The following RASGRP1 variants were observed in gnomAD, a reference collection of about 807,000 sequenced individuals.
RASGRP1 encodes the protein RAS guanyl-releasing protein 1.
A neutral mutation model predicts 95.1 loss-of-function variants in RASGRP1; 37 were observed. That is an observed-to-expected ratio of 0.39 (90% CI 0.30 to 0.51). The LOEUF (loss-of-function observed/expected upper bound fraction) is 0.51, where lower values mean the gene tolerates loss of function less well. RASGRP1 is among the 20% of genes least tolerant of loss of function. The probability of loss-of-function intolerance (pLI) is 0.80; values close to 1 mark genes in which losing one functional copy is unlikely to be tolerated. For missense variants in RASGRP1, 711 were observed against 965.4 expected (o/e 0.74, Z 3.49); for synonymous variants, 325 against 353.4 (o/e 0.92, Z 0.90).
intron 2 of RASGRP1, among the ~76,000 whole-genome samples, chr15:38,547,314 C>A (rs1893141221): frequency 1.3e-5 from 2 of 152,188 alleles, no homozygotes; most frequent in Non-Finnish European, 2.9e-5. Flanking sequence ...TTTCTGGAAG[C>A]CCTTCACACC....
chr15:38,507,061 A>G (rs1469674209), intron 9 of RASGRP1, among the ~76,000 whole-genome samples: 1 of 152,238 alleles, frequency 6.6e-6, no homozygotes, highest in African/African-American at 2.4e-5. Context: ...AAAACTGTGT[A>G]ACTTTAGAAC....
chr15:38,520,874 AC>A (rs1202852525), intron 3 of RASGRP1, among the ~76,000 whole-genome samples: 3 of 152,150 alleles, frequency 2.0e-5, no homozygotes, highest in African/African-American at 7.2e-5. Flanking sequence ...TAAACTTGAA[AC>A]CCTAAACAAG....
At chr15:38,510,961 T>G (rs1891487530) in intron 8 of RASGRP1, among the ~76,000 whole-genome samples, 1 of 152,118 alleles carries the variant, frequency 6.6e-6, no homozygotes, top group Non-Finnish European at 1.5e-5. Flanking sequence ...AGACCCTGTT[T>G]CTATAAAAAA....
chr15:38,554,499 T>C (rs979618670), intron 2 of RASGRP1, among the ~76,000 whole-genome samples: 7 of 152,178 alleles, frequency 4.6e-5, no homozygotes, highest in Admixed American at 3.3e-4. Context: ...GCCTCTGTTC[T>C]CTACAGCGGG....
chr15:38,489,495 T>C lies in RASGRP1; in HGVS notation c.*1059A>G, dbSNP rs1890484660. On this transcript the variant is annotated 3_prime_UTR_variant, in exon 17 of 17. Transcript: ENST00000310803. The stretch of plus-strand genomic sequence containing the variant: ...TTGTTTAATTCACTTCCACATTTTA[T>C]GGAGGAAACAAAATTCCAAGCCACA... The C allele has an allele frequency of 6.6e-6, 1 of 152,510 alleles. No individual in the cohort carries two copies. The highest frequency in any genetic ancestry group is 2.4e-5 in the African/African-American group (1 of 41,446). 9.4% of individuals were successfully genotyped at this position (152,510 alleles called of 1,614,324 possible).
chr15:38,506,056 A>G (rs542488816), intron 9 of RASGRP1, 136 bp from the exon 10 acceptor site: 3 of 650,150 alleles, frequency 4.6e-6, no homozygotes, highest in Non-Finnish European at 5.4e-6. Flanking sequence ...AAAAGTCACA[A>G]AACAGGTATA....
rs1207984047 is a variant in RASGRP1 at position 38,559,775 on chromosome 15, AAG to A, written c.220+44_220+45del. 3.2e-6 allele frequency: 5 copies of A among 1,558,082 alleles called. No homozygotes were observed. The South Asian group carries it at 5.7e-5, about 18-fold the overall frequency. Reference sequence around the variant, plus strand: ...GTAAAGCACTTTTAAAGGACGAACAAAGTAATAGAGTGATTTTTATGCCTGTG... The same window carrying A: ...GTAAAGCACTTTTAAAGGACGAACAATAATAGAGTGATTTTTATGCCTGTG... On this transcript the variant is annotated intron_variant, in intron 2 of 16. Coordinates refer to ENST00000310803, the MANE Select transcript of RASGRP1 (RefSeq NM_005739.4).
intron 2 of RASGRP1, among the ~76,000 whole-genome samples, chr15:38,558,361 T>G (rs1448984658): frequency 6.6e-6 from 1 of 152,136 alleles, no homozygotes; most frequent in Middle Eastern, 3.2e-3. Flanking sequence ...TCATCTTAAC[T>G]GAATGATTAA....
intron 4 of RASGRP1, 32 bp from the exon 5 acceptor site, chr15:38,518,455 A>G: frequency 6.3e-7 from 1 of 1,582,336 alleles, no homozygotes; most frequent in Non-Finnish European, 8.6e-7. Context: ...ACACAATCCA[A>G]AACTGATACC....
At chr15:38,528,945 A>G (rs1353042509) in intron 2 of RASGRP1, among the ~76,000 whole-genome samples, 1 of 152,130 alleles carries the variant, frequency 6.6e-6, no homozygotes, top group Non-Finnish European at 1.5e-5. Flanking sequence ...TGTTCCTCGC[A>G]TCTGCCTCAT....
chr15:38,562,990 G>T (rs1229358853), intron 1 of RASGRP1, among the ~76,000 whole-genome samples: 1 of 152,210 alleles, frequency 6.6e-6, no homozygotes, highest in African/African-American at 2.4e-5. Context: ...ATGGAGCCCA[G>T]AGAGACTCAG....
intron 16 of RASGRP1, among the ~76,000 whole-genome samples, chr15:38,493,449 G>A (rs1212700996): frequency 6.6e-6 from 1 of 151,818 alleles, no homozygotes; most frequent in Non-Finnish European, 1.5e-5. Flanking sequence ...AAGTGCTGGG[G>A]GCATGAGCCA....
intron 2 of RASGRP1, among the ~76,000 whole-genome samples, chr15:38,536,236 C>A (rs191151600): frequency 6.6e-6 from 1 of 152,306 alleles, no homozygotes; most frequent in East Asian, 1.9e-4. Flanking sequence ...CATTCCCATG[C>A]AGCACTATAG....
At chr15:38,516,701 C>T (rs1252087080) in intron 5 of RASGRP1, among the ~76,000 whole-genome samples, 1 of 151,836 alleles carries the variant, frequency 6.6e-6, no homozygotes, top group East Asian at 1.9e-4. Flanking sequence ...TCCCTCCATT[C>T]TGCTTGTGTG....
intron 2 of RASGRP1, among the ~76,000 whole-genome samples, chr15:38,539,953 A>G (rs1210731012): frequency 6.6e-6 from 1 of 152,032 alleles, no homozygotes. Context: ...GTCTCACTCT[A>G]TTGCCCAGGC....
chr15:38,535,880 G>T (rs1233836800), intron 2 of RASGRP1, among the ~76,000 whole-genome samples: 1 of 152,218 alleles, frequency 6.6e-6, no homozygotes, highest in Non-Finnish European at 1.5e-5. Flanking sequence ...AGAATCATGA[G>T]TCTCAGAAGT....
chr15:38,547,768 G>C (rs1893157553), intron 2 of RASGRP1, among the ~76,000 whole-genome samples: 1 of 152,190 alleles, frequency 6.6e-6, no homozygotes, highest in Non-Finnish European at 1.5e-5. Context: ...AGACTGCCAT[G>C]TGACGTGGCC....
chr15:38,547,666 A>C (rs1893153790), intron 2 of RASGRP1, among the ~76,000 whole-genome samples: 1 of 152,132 alleles, frequency 6.6e-6, no homozygotes, highest in African/African-American at 2.4e-5. Context: ...CCACCTTTAA[A>C]ATTTTTTACC....
At chr15:38,523,961 CA>C (rs1892096139) in intron 3 of RASGRP1, 1 of 152,392 alleles carries the variant, frequency 6.6e-6, no homozygotes. Flanking sequence ...GTGTCTTAGG[CA>C]AAACAAGGCT....
Sources: gnomAD v4.1 joint callset for allele counts (sites outside exome capture counted in the v4.1 genomes callset) on GRCh38, gnomAD v4.1.1 for gene constraint, MANE v1.5 for transcripts, NCBI Gene and HGNC (gene_info 2026-07-23, HGNC 2026-07-21) for gene names.